PDZD2: variants seen among roughly 807,000 people sequenced by gnomAD.
The protein encoded by PDZD2 is PDZ domain-containing protein 2.
Under a neutral mutation model 220.7 loss-of-function variants are expected in PDZD2, and 90 were observed. The observed-to-expected ratio is 0.41, with a 90% CI of 0.34 to 0.49. PDZD2 has a LOEUF of 0.49. Among genes scored for constraint, PDZD2 ranks in the 20% least tolerant of loss-of-function variants. The pLI is 0.28. For synonymous variants in PDZD2, 1,375 were observed against 1,450.5 expected (o/e 0.95, Z 1.18); for missense variants, 3,174 against 3,608.5 (o/e 0.88, Z 3.08).
chr5:32,090,200 TC>T lies in PDZD2; in HGVS notation c.6755del (p.Pro2252LeufsTer2). The stretch of plus-strand genomic sequence containing the variant: ...CTGGGTCGCTCTCGGGACAGCCAGG[TC>T]CCTGTGACAAGCAGTGTTGTCCCCG... ...HSLGRSRDSQ[V>X]PVTSSVVPEA... On this transcript the variant is annotated frameshift_variant, in exon 20 of 25. Transcript: ENST00000438447. LOFTEE classifies it high-confidence loss of function. This position sits in a 1 kb window ranked among gnomAD's most constrained non-coding sequence, Gnocchi z 4.3. 1 of 1,614,066 alleles carries T rather than the reference TC, an allele frequency of 6.2e-7. No individual in the cohort carries two copies. The highest frequency in any genetic ancestry group is 8.5e-7 in the Non-Finnish European group (1 of 1,179,996).
chr5:31,911,650 G>A (rs1426852729), intron 2 of PDZD2, among the ~76,000 whole-genome samples: 1 of 152,224 alleles, frequency 6.6e-6, no homozygotes, highest in Admixed American at 6.5e-5. Context: ...TGTTGGTTAG[G>A]TGGTTCACAG....
At chr5:31,980,370 C>T (rs748036302) in intron 2 of PDZD2, among the ~76,000 whole-genome samples, 3 of 152,094 alleles carry the variant, frequency 2.0e-5, no homozygotes, top group Non-Finnish European at 2.9e-5. Context: ...TAATTTATTC[C>T]TTTTTTACTG....
chr5:31,962,686 C>A (rs1748361857), intron 2 of PDZD2, among the ~76,000 whole-genome samples: 1 of 152,186 alleles, frequency 6.6e-6, no homozygotes, highest in Admixed American at 6.5e-5. Context: ...GTTTGCACCC[C>A]AGCCTGGGGA....
At chr5:31,649,784 A>G (rs398492) in intron 1 of PDZD2, among the ~76,000 whole-genome samples, 9,786 of 151,998 alleles carry the variant, frequency 0.064, 633 homozygotes, top group East Asian at 0.28. Context: ...CTAAAAATAT[A>G]AAAATTAGCC....
Position 32,061,118 on chromosome 5 carries a change from G to A in PDZD2, c.2435G>A (p.Arg812Gln), listed in dbSNP as rs372658069. The change falls in exon 14 of 25, where the codon CGG (arginine) becomes CAG (glutamine). Residue 812 changes from arginine (R) to glutamine (Q), a missense_variant. Physicochemically the swap from Arg to Gln is conservative, Grantham distance 43. Transcript: ENST00000438447. ...PPGPVRLVIGRHPNPKVSEQE... is the reference protein window; with the variant it reads ...PPGPVRLVIGQHPNPKVSEQE... ...GGACCCGTTCGCCTTGTCATCGGCC[G>A]GCACCCTAATCCAAAGGTGAGGTGG... is the stretch of plus-strand genomic sequence containing the variant. 3 of 1,613,988 alleles carry A rather than the reference G, an allele frequency of 1.9e-6. No individual in the cohort carries two copies. The highest frequency in any genetic ancestry group is 2.5e-6 in the Non-Finnish European group (3 of 1,180,022).
intron 1 of PDZD2, among the ~76,000 whole-genome samples, chr5:31,670,686 G>T (rs1218552220): frequency 6.6e-6 from 1 of 152,178 alleles, no homozygotes; most frequent in African/African-American, 2.4e-5. Flanking sequence ...CTCCCAAAGT[G>T]CTGGGATTAC....
intron 1 of PDZD2, among the ~76,000 whole-genome samples, chr5:31,654,442 G>T (rs1745467611): frequency 6.6e-6 from 1 of 152,034 alleles, no homozygotes; most frequent in Non-Finnish European, 1.5e-5. Context: ...TTCTCTCTGT[G>T]ATTCCTGTCT....
At chr5:32,034,354 A>ATTTTTT (rs753294040) in intron 6 of PDZD2, among the ~76,000 whole-genome samples, 1 of 131,642 alleles carries the variant, frequency 7.6e-6, no homozygotes, top group African/African-American at 2.9e-5. Flanking sequence ...GGAACCAGGA[A>ATTTTTT]TTTTTTTTTT....
intron 2 of PDZD2, among the ~76,000 whole-genome samples, chr5:31,885,793 G>A (rs1201166312): frequency 4.6e-5 from 7 of 152,150 alleles, no homozygotes; most frequent in Admixed American, 3.9e-4. Flanking sequence ...TGTCCAGAAG[G>A]TTGACATGAA....
At chr5:31,823,154 CAAAAAAAAA>C (rs397997277) in intron 2 of PDZD2, 977 of 104,330 alleles carry the variant, frequency 9.4e-3, no homozygotes, top group Middle Eastern at 0.022. Flanking sequence ...GTAGACGTGG[CAAAAAAAAA>C]AAAAAAAAAA....
intron 14 of PDZD2, among the ~76,000 whole-genome samples, chr5:32,065,443 GTC>G (rs1414616443): frequency 2.6e-5 from 4 of 152,198 alleles, no homozygotes; most frequent in African/African-American, 9.7e-5. Context: ...AGAGTAAGAA[GTC>G]TATGCCAAGA....
chr5:32,083,871 T>A lies in PDZD2; in HGVS notation c.3683-3260T>A, dbSNP rs905053912. 6.6e-6 allele frequency among the ~76,000 whole-genome samples: 1 copy of A among 152,034 alleles called. No homozygotes were observed. Among genetic ancestry groups the A allele is most frequent in the African/African-American group, 2.4e-5 (1 of 41,408 alleles). ...TTTGTATTTTTAGTAGAGATGGGAT[T>A]TCCCCATGTTGGCCAGGCTGGTTTC... On this transcript the variant is annotated intron_variant, in intron 19 of 24. Transcript: ENST00000438447. The surrounding 1 kb of genome is among the most constrained non-coding windows in gnomAD (Gnocchi z 4.1).
At chr5:32,095,867 A>T in intron 21 of PDZD2, among the ~76,000 whole-genome samples, 1 of 143,944 alleles carries the variant, frequency 6.9e-6, no homozygotes, top group African/African-American at 2.6e-5. Context: ...CAGCCTCCCG[A>T]GTAGCTGGGA....
intron 1 of PDZD2, among the ~76,000 whole-genome samples, chr5:31,722,926 G>A (rs1443581262): frequency 6.6e-6 from 1 of 152,136 alleles, no homozygotes; most frequent in Non-Finnish European, 1.5e-5. Context: ...GACCTCAGGT[G>A]ATCCACCCTC....
At chr5:31,775,176 CTTAT>C (rs1752567473) in intron 1 of PDZD2, among the ~76,000 whole-genome samples, 1 of 152,284 alleles carries the variant, frequency 6.6e-6, no homozygotes, top group Non-Finnish European at 1.5e-5. Flanking sequence ...TCTCAAATTA[CTTAT>C]TTGAGTCAAA....
intron 2 of PDZD2, among the ~76,000 whole-genome samples, chr5:31,932,442 G>A (rs1039617420): frequency 5.9e-5 from 9 of 152,026 alleles, no homozygotes; most frequent in Admixed American, 3.9e-4. Context: ...CCAGGTACCC[G>A]GGAGGCTGAG....
intron 10 of PDZD2, 141 bp from the exon 11 acceptor site, chr5:32,057,514 G>C (rs1169774715): frequency 3.3e-6 from 2 of 610,906 alleles, no homozygotes; most frequent in Non-Finnish European, 5.9e-6. Flanking sequence ...ACATTCCTGG[G>C]AGCTAAGCTA....
chr5:31,700,693 G>A (rs1451871199), intron 1 of PDZD2, among the ~76,000 whole-genome samples: 1 of 152,244 alleles, frequency 6.6e-6, no homozygotes, highest in African/African-American at 2.4e-5. Context: ...AGTGAGGGAA[G>A]GGTGAAGCCA....
chr5:31,955,463 G>A (rs1043062506), intron 2 of PDZD2, among the ~76,000 whole-genome samples: 10 of 151,990 alleles, frequency 6.6e-5, no homozygotes, highest in Non-Finnish European at 1.2e-4. Flanking sequence ...ACCACGCCCA[G>A]CTAATTTTTG....
Sources: gnomAD v4.1 joint callset for allele counts (sites outside exome capture counted in the v4.1 genomes callset) on GRCh38, gnomAD v4.1.1 for gene constraint, Gnocchi (gnomAD v3.1) non-coding constraint, MANE v1.5 for transcripts, NCBI Gene and HGNC (gene_info 2026-07-23, HGNC 2026-07-21) for gene names.